TBL1XR1: variants seen among roughly 807,000 people sequenced by gnomAD.
The protein encoded by TBL1XR1 is F-box-like/WD repeat-containing protein TBL1XR1.
Under a neutral mutation model 66.9 loss-of-function variants are expected in TBL1XR1, and 5 were observed. That is an observed-to-expected ratio of 0.07 (90% CI 0.04 to 0.16). The LOEUF (loss-of-function observed/expected upper bound fraction) is 0.16, where lower values mean the gene tolerates loss of function less well. Ranked by LOEUF, TBL1XR1 falls within the 10% of genes least tolerant of loss-of-function variation. TBL1XR1 has a pLI of 1.00. For synonymous variants in TBL1XR1, 210 were observed against 206.0 expected, an observed-to-expected ratio of 1.02 and a Z score of -0.17; for missense variants, 238 against 623.2, an observed-to-expected ratio of 0.38 and a Z score of 6.58.
chr3:177,162,995 C>T (rs1207791837), intron 1 of TBL1XR1, among the ~76,000 whole-genome samples: 1 of 152,166 alleles, frequency 6.6e-6, no homozygotes, highest in Admixed American at 6.5e-5. Context: ...AGTCACTACC[C>T]TAATTATTTA....
intron 1 of TBL1XR1, among the ~76,000 whole-genome samples, chr3:177,102,860 C>T (rs1401406062): frequency 6.6e-6 from 1 of 152,154 alleles, no homozygotes. Context: ...GAGAAATGAG[C>T]CCCAGCTTAA....
At position 177,180,164 on chromosome 3, in the gene TBL1XR1, G is replaced by C. The variant is rs1734631977; in HGVS notation, c.-122+16957C>G. 2.7e-5 allele frequency among the ~76,000 whole-genome samples: 4 copies of C among 150,434 alleles called. No individual in the cohort carries two copies. The Admixed American group carries it at 2.7e-4, about 10-fold the overall frequency. On this transcript the variant is annotated intron_variant, in intron 1 of 15. Coordinates refer to ENST00000457928, the MANE Select transcript of TBL1XR1 (RefSeq NM_024665.7). Reference sequence around the variant, plus strand: ...GGGCAGGAGAATTGCCTGAATCCGGGAGGCGTGGGTTGCAGTGAGCTGAGA... The same window carrying C: ...GGGCAGGAGAATTGCCTGAATCCGGCAGGCGTGGGTTGCAGTGAGCTGAGA...
chr3:177,048,448 C>G (rs891500611), intron 7 of TBL1XR1, among the ~76,000 whole-genome samples: 23 of 152,144 alleles, frequency 1.5e-4, no homozygotes, highest in Admixed American at 1.2e-3. Context: ...ATCTCTCAAG[C>G]CATTTAGCAG....
chr3:177,135,810 C>G (rs1728925414), intron 1 of TBL1XR1, among the ~76,000 whole-genome samples: 1 of 151,918 alleles, frequency 6.6e-6, no homozygotes, highest in African/African-American at 2.4e-5. Flanking sequence ...TCCTGCTCTA[C>G]TGGCATTTAC....
At chr3:177,194,917 T>C (rs1483774022) in intron 1 of TBL1XR1, among the ~76,000 whole-genome samples, 1 of 152,056 alleles carries the variant, frequency 6.6e-6, no homozygotes, top group Non-Finnish European at 1.5e-5. Context: ...TTACCACCAG[T>C]GTCTCCCACA....
chr3:177,088,870 TTAA>T (rs1722481803), intron 2 of TBL1XR1, among the ~76,000 whole-genome samples: 2 of 152,150 alleles, frequency 1.3e-5, no homozygotes, highest in African/African-American at 4.8e-5. Flanking sequence ...TTCTTCACAT[TTAA>T]TAATACCAGT....
intron 1 of TBL1XR1, among the ~76,000 whole-genome samples, chr3:177,116,096 C>T (rs1258633823): frequency 2.6e-5 from 4 of 152,178 alleles, no homozygotes; most frequent in Admixed American, 2.0e-4. Context: ...GAATTCATCA[C>T]ACTAAGGGCA....
At chr3:177,151,077 C>T (rs746261044) in intron 1 of TBL1XR1, among the ~76,000 whole-genome samples, 27 of 152,126 alleles carry the variant, frequency 1.8e-4, no homozygotes, top group Non-Finnish European at 2.9e-4. Flanking sequence ...TTTAAACATG[C>T]TGTTCAACTC....
chr3:177,057,856 T>C (rs991855905), intron 3 of TBL1XR1, among the ~76,000 whole-genome samples: 1 of 152,094 alleles, frequency 6.6e-6, no homozygotes, highest in Non-Finnish European at 1.5e-5. Context: ...GAAATAAGAC[T>C]GAAACACATG....
At chr3:177,055,404 T>C (rs1717668897) in intron 3 of TBL1XR1, among the ~76,000 whole-genome samples, 1 of 152,116 alleles carries the variant, frequency 6.6e-6, no homozygotes, top group Non-Finnish European at 1.5e-5. Context: ...TAACCCACAG[T>C]GGAAAAGGCA....
At chr3:177,120,043 A>G (rs368044564) in intron 1 of TBL1XR1, among the ~76,000 whole-genome samples, 1 of 152,152 alleles carries the variant, frequency 6.6e-6, no homozygotes, top group African/African-American at 2.4e-5. Context: ...TAAGAGGGCC[A>G]TTTTCCAACT....
chr3:177,173,563 T>C (rs1203950281), intron 1 of TBL1XR1, among the ~76,000 whole-genome samples: 1 of 152,020 alleles, frequency 6.6e-6, no homozygotes, highest in Non-Finnish European at 1.5e-5. Flanking sequence ...CTCTTCAAAA[T>C]TGTCCAGGTC....
intron 1 of TBL1XR1, among the ~76,000 whole-genome samples, chr3:177,127,680 T>G (rs556105333): frequency 2.0e-5 from 3 of 152,274 alleles, no homozygotes; most frequent in Admixed American, 6.5e-5. Context: ...GACCTGAAAG[T>G]TAGAAGAGAC....
chr3:177,195,556 GTCAC>G (rs1736739460), intron 1 of TBL1XR1: 1 of 151,662 alleles, frequency 6.6e-6, no homozygotes, highest in African/African-American at 2.4e-5. Flanking sequence ...AACCCAAACA[GTCAC>G]TCATTGTATC....
At chr3:177,113,487 A>G (rs774235123) in intron 1 of TBL1XR1, among the ~76,000 whole-genome samples, 1 of 152,200 alleles carries the variant, frequency 6.6e-6, no homozygotes, top group Non-Finnish European at 1.5e-5. Context: ...TAATATCTAA[A>G]AGAACTTAAG....
rs558962992 is a variant in TBL1XR1 at position 177,142,164 on chromosome 3, G to A, written c.-121-43623C>T. Among the ~76,000 whole-genome samples the A allele has an allele frequency of 3.9e-5, 6 of 152,300 alleles. No individual in the cohort carries two copies. The East Asian group carries it at 1.2e-3, about 29-fold the overall frequency. The stretch of plus-strand genomic sequence containing the variant: ...GAGACAAAATTCAGGCTTAGCCCAG[G>A]AGGCTTCTTGGCTTCACCCAGGAAA... On this transcript the variant is annotated intron_variant, in intron 1 of 15. Transcript: ENST00000457928.
intron 1 of TBL1XR1, chr3:177,126,015 TAAAA>T (rs1727578643): frequency 6.6e-6 from 1 of 152,178 alleles, no homozygotes; most frequent in African/African-American, 2.4e-5. Flanking sequence ...CAGTGCGTAA[TAAAA>T]AATATGAAAC....
intron 14 of TBL1XR1, among the ~76,000 whole-genome samples, chr3:177,030,278 T>C (rs1713785452): frequency 6.6e-6 from 1 of 151,616 alleles, no homozygotes; most frequent in Non-Finnish European, 1.5e-5. Flanking sequence ...AATTAATATA[T>C]TCATATTATG....
intron 13 of TBL1XR1, 73 bp from the exon 14 acceptor site, chr3:177,033,209 C>T: frequency 7.6e-7 from 1 of 1,314,582 alleles, no homozygotes; most frequent in African/African-American, 1.5e-5. Context: ...CACCCAACCT[C>T]CCATATTCAG....
Sources: allele counts gnomAD v4.1 joint callset (sites outside exome capture counted in the v4.1 genomes callset), GRCh38; gene constraint gnomAD v4.1.1; transcripts MANE v1.5; gene names NCBI Gene and HGNC (gene_info 2026-07-23, HGNC 2026-07-21).